The following SFSWAP variants were observed in gnomAD, a reference collection of about 807,000 sequenced individuals.
SFSWAP encodes splicing factor, suppressor of white-apricot homolog.
Under a neutral mutation model 100.7 loss-of-function variants are expected in SFSWAP, and 17 were observed. That is an observed-to-expected ratio of 0.17 (90% CI 0.12 to 0.25). SFSWAP has a LOEUF of 0.25. Among genes scored for constraint, SFSWAP ranks in the 10% least tolerant of loss-of-function variants. The pLI is 1.00. For missense variants in SFSWAP, 1,005 were observed against 1,262.6 expected (o/e 0.80, Z 3.09); for synonymous variants, 504 against 510.1 (o/e 0.99, Z 0.16).
chr12:131,796,525 G>T (rs550465356), intron 15 of SFSWAP: 2 of 152,530 alleles, frequency 1.3e-5, no homozygotes, highest in Admixed American at 1.3e-4. Flanking sequence ...AGGCTCCACT[G>T]CCCAGAGGCT....
At chr12:131,771,811 C>T (rs898854821) in intron 13 of SFSWAP, among the ~76,000 whole-genome samples, 6 of 151,978 alleles carry the variant, frequency 3.9e-5, no homozygotes, top group Non-Finnish European at 8.8e-5. Flanking sequence ...TATAGGCGGG[C>T]GCCACCACGC....
intron 15 of SFSWAP, among the ~76,000 whole-genome samples, chr12:131,793,965 C>T (rs1885455596): frequency 1.3e-5 from 2 of 152,104 alleles, no homozygotes; most frequent in Non-Finnish European, 2.9e-5. Context: ...GATTGGGAAA[C>T]GTGTGCAGTT....
In SFSWAP at chr12:131,728,419, A is replaced by T; in HGVS notation, c.1072A>T (p.Thr358Ser). ...TGTGCAGCCCTCCCAGGTGGAGTAC[A>T]CGGCAGACTGTGAGTACTCACTGTG... ...APVQPSQVEY[T>S]ADSTVAAMYY... Residue 358 changes from threonine (T) to serine (S), a missense_variant, in exon 7 of 18, where the codon ACG becomes TCG. By Grantham distance (58) the Thr-to-Ser change is moderately conservative. Around this residue, in one of 7 missense-constraint regions of SFSWAP, gnomAD observed 311 missense variants for 317.8 expected, o/e 0.98. Coordinates refer to ENST00000261674, the MANE Select transcript of SFSWAP (RefSeq NM_004592.4). 1 of 1,614,166 alleles carries T rather than the reference A, an allele frequency of 6.2e-7. No individual in the cohort carries two copies. Among genetic ancestry groups the T allele is most frequent in the Non-Finnish European group, 8.5e-7 (1 of 1,180,006 alleles).
At chr12:131,719,408 T>G (rs371216391) in intron 3 of SFSWAP, 46 bp from the exon 4 acceptor site, 1 of 1,456,678 alleles carries the variant, frequency 6.9e-7, no homozygotes, top group African/African-American at 1.4e-5. Flanking sequence ...AGCAGGTGCC[T>G]TCCTCCCTGC....
At chr12:131,760,561 G>A (rs1882571986) in intron 11 of SFSWAP, among the ~76,000 whole-genome samples, 1 of 152,128 alleles carries the variant, frequency 6.6e-6, no homozygotes, top group Non-Finnish European at 1.5e-5. Context: ...CCAGTAATAT[G>A]GACTGAGTTT....
intron 14 of SFSWAP, among the ~76,000 whole-genome samples, chr12:131,783,136 G>A (rs1363493669): frequency 2.0e-5 from 3 of 148,818 alleles, no homozygotes; most frequent in Admixed American, 6.8e-5. Context: ...AGCCAAGATC[G>A]TGTCACTGCT....
chr12:131,756,489 A>C lies in SFSWAP; in HGVS notation c.1565A>C (p.Glu522Ala), dbSNP rs757805423. The stretch of plus-strand genomic sequence containing the variant: ...AATCTCTAGGCTGTGTCTGCACCAG[A>C]AGAGGCTCCCACAGACTCTGCTCCC... ...GDSMQAVSAP[E>A]EAPTDSAPEK... Residue 522 changes from glutamate (E) to alanine (A), a missense_variant, in exon 11 of 18, where the codon GAA becomes GCA. Physicochemically the swap from Glu to Ala is moderately radical, Grantham distance 107. This residue lies in a region of SFSWAP where 311 missense variants were observed against 317.8 expected (regional missense o/e 0.98). Transcript: ENST00000261674. The C allele has an allele frequency of 2.7e-5, 43 of 1,613,872 alleles. No homozygotes were observed. The highest frequency in any genetic ancestry group is 5.3e-5 in the African/African-American group (4 of 74,932).
rs1028044704 is a variant in SFSWAP at position 131,739,865 on chromosome 12, T to C, written c.1081+11437T>C. On this transcript the variant is annotated intron_variant, in intron 7 of 17. Transcript: ENST00000261674. ...GCCCCCAGTTGCTTACTTTTAGTTT[T>C]ATGGTTGACTGGATTCGTTTTTTCC... Among the ~76,000 whole-genome samples, 4 of 152,194 alleles carry C rather than the reference T, an allele frequency of 2.6e-5. No homozygotes were observed. In the East Asian group the frequency reaches 7.7e-4, roughly 29 times the overall value.
chr12:131,780,772 A>C (rs1277163335), intron 14 of SFSWAP, among the ~76,000 whole-genome samples: 2 of 152,260 alleles, frequency 1.3e-5, no homozygotes, highest in Non-Finnish European at 2.9e-5. Flanking sequence ...AACCACATTC[A>C]GTAAAATTCT....
In SFSWAP at chr12:131,778,230, C is replaced by T; in HGVS notation, c.2308C>T (p.Arg770Cys). Residue 770 changes from arginine to cysteine, a missense_variant, in exon 14 of 18, where the codon CGT becomes TGT. This residue lies in a region of SFSWAP where 295 missense variants were observed against 347.9 expected (regional missense o/e 0.85). Coordinates refer to ENST00000261674, the MANE Select transcript of SFSWAP (RefSeq NM_004592.4). This position sits in a 1 kb window ranked among gnomAD's most constrained non-coding sequence, Gnocchi z 4.2. ...KHKKRSRTRSRSPKYHSSSKS... is the reference protein window; with the variant it reads ...KHKKRSRTRSCSPKYHSSSKS... ...CAAAAAAAGATCTCGAACAAGATCACGTTCTCCCAAGTACCATTCGTCATC... is the reference window on the plus strand; with the variant it reads ...CAAAAAAAGATCTCGAACAAGATCATGTTCTCCCAAGTACCATTCGTCATC... 1 of 1,614,154 alleles carries T rather than the reference C, an allele frequency of 6.2e-7. No individual in the cohort carries two copies. The highest frequency in any genetic ancestry group is 8.5e-7 in the Non-Finnish European group (1 of 1,180,020).
chr12:131,762,385 T>C (rs1039384071), intron 11 of SFSWAP, among the ~76,000 whole-genome samples: 39 of 152,340 alleles, frequency 2.6e-4, no homozygotes, highest in African/African-American at 9.4e-4. Context: ...CACTGCAGCC[T>C]GGGCAACACA....
chr12:131,782,237 TTTTA>T (rs1175051178), intron 14 of SFSWAP, among the ~76,000 whole-genome samples: 1 of 152,206 alleles, frequency 6.6e-6, no homozygotes, highest in African/African-American at 2.4e-5. Context: ...TGAGTGCGTG[TTTTA>T]TTTAGTAGGA....
At chr12:131,793,793 C>T (rs372804602) in intron 15 of SFSWAP, among the ~76,000 whole-genome samples, 5 of 152,174 alleles carry the variant, frequency 3.3e-5, no homozygotes, top group East Asian at 3.9e-4. Flanking sequence ...CTTAAATAGC[C>T]GGTACACACA....
chr12:131,723,670 C>T (rs1566005895), intron 4 of SFSWAP, among the ~76,000 whole-genome samples: 2 of 152,276 alleles, frequency 1.3e-5, no homozygotes, highest in Admixed American at 6.5e-5. Flanking sequence ...CCTGGTCCCC[C>T]GATGGGTCTG....
Position 131,786,629 on chromosome 12 carries a change from A to G in SFSWAP, c.2534+41A>G. Reference sequence around the variant, plus strand: ...TGCACGCAGGTGCTGGATGTGGGCCAGGTTTCCCTGGGTGGAAAGGGCGTC... The same window carrying G: ...TGCACGCAGGTGCTGGATGTGGGCCGGGTTTCCCTGGGTGGAAAGGGCGTC... On this transcript the variant is annotated intron_variant, in intron 15 of 17. Coordinates refer to ENST00000261674, the MANE Select transcript of SFSWAP (RefSeq NM_004592.4). 1.9e-6 allele frequency: 3 copies of G among 1,562,394 alleles called. No individual in the cohort carries two copies. In the South Asian group the frequency reaches 3.5e-5, roughly 18 times the overall value.
At chr12:131,723,653 C>T (rs1878691394) in intron 4 of SFSWAP, among the ~76,000 whole-genome samples, 1 of 152,150 alleles carries the variant, frequency 6.6e-6, no homozygotes, top group South Asian at 2.1e-4. Context: ...TGTCATGCCA[C>T]CTCCTTCCTG....
chr12:131,768,280 T>C (rs559903056), intron 13 of SFSWAP, among the ~76,000 whole-genome samples: 3 of 152,330 alleles, frequency 2.0e-5, no homozygotes, highest in African/African-American at 7.2e-5. Flanking sequence ...GATCTTTTTT[T>C]CCCAAAGTAC....
intron 9 of SFSWAP, 96 bp downstream of exon 9, chr12:131,754,595 T>C (rs1881977715): frequency 1.2e-6 from 1 of 863,876 alleles, no homozygotes; most frequent in Non-Finnish European, 1.6e-6. Flanking sequence ...AATTTTTTTA[T>C]ATATTTTTAA....
chr12:131,772,054 T>C (rs2136246407), intron 13 of SFSWAP, among the ~76,000 whole-genome samples: 1 of 152,314 alleles, frequency 6.6e-6, no homozygotes, highest in East Asian at 1.9e-4. Context: ...AAGGGCCCTT[T>C]CTTTGTCTTA....
Sources: gnomAD v4.1 joint callset for allele counts (sites outside exome capture counted in the v4.1 genomes callset) on GRCh38, gnomAD v4.1.1 for gene constraint, gnomAD v4.1.1 regional missense constraint, Gnocchi (gnomAD v3.1) non-coding constraint, MANE v1.5 for transcripts, NCBI Gene and HGNC (gene_info 2026-07-23, HGNC 2026-07-21) for gene names.